Variants in TUSC3 observed in about 807,000 individuals in gnomAD.
TUSC3 encodes the protein dolichyl-diphosphooligosaccharide--protein glycosyltransferase subunit TUSC3.
Under a neutral mutation model 44.8 loss-of-function variants are expected in TUSC3, and 45 were observed. That is an observed-to-expected ratio of 1.00 (90% CI 0.79 to 1.29). The LOEUF is 1.29. TUSC3 is among the 50% of genes most tolerant of loss of function. TUSC3 has a pLI of 0.00. For missense variants in TUSC3, 519 were observed against 437.9 expected (o/e 1.19, Z -1.65); for synonymous variants, 212 against 152.9 (o/e 1.39, Z -2.85).
At chr8:15,435,578 A>G (rs573906719) in intron 1 of TUSC3, among the ~76,000 whole-genome samples, 1 of 152,326 alleles carries the variant, frequency 6.6e-6, no homozygotes, top group South Asian at 2.1e-4. Context: ...TCATGAAACA[A>G]TTATATTGAA....
intron 1 of TUSC3, among the ~76,000 whole-genome samples, chr8:15,482,259 T>C (rs1310878802): frequency 1.3e-5 from 2 of 152,182 alleles, no homozygotes; most frequent in East Asian, 3.9e-4. Flanking sequence ...TCCACTGAAG[T>C]CTTGAGCCCC....
chr8:15,548,761 T>G (rs903431702), intron 1 of TUSC3, among the ~76,000 whole-genome samples: 5 of 151,884 alleles, frequency 3.3e-5, no homozygotes, highest in Admixed American at 6.6e-5. Context: ...GTACAACTTG[T>G]ATGTTTACAG....
chr8:15,459,873 TGTATACATAC>T (rs1563256820), intron 1 of TUSC3, among the ~76,000 whole-genome samples: 5 of 147,296 alleles, frequency 3.4e-5, no homozygotes, highest in African/African-American at 1.3e-4. Flanking sequence ...TGTGTGTGTG[TGTATACATAC>T]ATACATACAT....
chr8:15,820,901 T>C, the TUSC3 span, among the ~76,000 whole-genome samples: 1 of 152,170 alleles, frequency 6.6e-6, no homozygotes, highest in Admixed American at 6.5e-5. Flanking sequence ...GCAATGTATG[T>C]AGATGTAATA....
rs375382417 is a variant in TUSC3 at position 15,590,967 on chromosome 8, A to G, written c.139-32113A>G. Among the ~76,000 whole-genome samples the G allele has an allele frequency of 7.2e-5, 11 of 152,252 alleles. No individual in the cohort carries two copies. The East Asian group carries it at 9.6e-4, about 13-fold the overall frequency. On this transcript the variant is annotated intron_variant, in intron 1 of 10. Coordinates refer to ENST00000503731, the MANE Select transcript of TUSC3 (RefSeq NM_006765.4). The stretch of plus-strand genomic sequence containing the variant: ...TGAATTATAGGCTTGAGGCACTGCA[A>G]CCAGCCTATAATTTGTTTTGCCAGA...
intron 1 of TUSC3, among the ~76,000 whole-genome samples, chr8:15,619,474 G>A (rs1327569279): frequency 6.6e-6 from 1 of 151,568 alleles, no homozygotes; most frequent in Non-Finnish European, 1.5e-5. Context: ...TGATTAGTCT[G>A]GAAAGAGTTT....
chr8:15,831,091 A>T, the TUSC3 span, among the ~76,000 whole-genome samples: 1 of 152,148 alleles, frequency 6.6e-6, no homozygotes, highest in Non-Finnish European at 1.5e-5. Context: ...CCAACCCAGC[A>T]CATTGTATTC....
chr8:15,798,959 A>AT, the TUSC3 span, among the ~76,000 whole-genome samples: 1 of 152,176 alleles, frequency 6.6e-6, no homozygotes, highest in Non-Finnish European at 1.5e-5. Flanking sequence ...TGGGTCTCCT[A>AT]TATCAACATT....
chr8:15,670,295 T>TA (rs1376601440), intron 5 of TUSC3, among the ~76,000 whole-genome samples: 26 of 151,962 alleles, frequency 1.7e-4, no homozygotes, highest in African/African-American at 6.3e-4. Flanking sequence ...CTGGAGAACT[T>TA]ACACTTACAG....
At chr8:15,828,205 G>A in the TUSC3 span, among the ~76,000 whole-genome samples, 1 of 152,104 alleles carries the variant, frequency 6.6e-6, no homozygotes, top group Non-Finnish European at 1.5e-5. Context: ...ATGTTGGTCA[G>A]GCTGGTCGCG....
At chr8:15,427,946 G>A (rs1799825524) in intron 1 of TUSC3, among the ~76,000 whole-genome samples, 1 of 150,406 alleles carries the variant, frequency 6.6e-6, no homozygotes, top group Non-Finnish European at 1.5e-5. Context: ...AGATAAGGAT[G>A]CAATTTTATT....
chr8:15,629,738 A>C (rs1314918842), intron 2 of TUSC3, among the ~76,000 whole-genome samples: 1 of 32,974 alleles, frequency 3.0e-5, no homozygotes, highest in Admixed American at 3.1e-4. Context: ...CTTTTCTTTA[A>C]AAAAAAAAAA....
chr8:15,486,726 A>T (rs1319486600), intron 2 of TUSC3, among the ~76,000 whole-genome samples: 2 of 152,180 alleles, frequency 1.3e-5, no homozygotes, highest in Non-Finnish European at 2.9e-5. Context: ...TACAGGCACA[A>T]GCCACCGCGC....
intron 2 of TUSC3, among the ~76,000 whole-genome samples, chr8:15,523,660 A>G (rs1338187761): frequency 0.035 from 577 of 16,356 alleles, 5 homozygotes; most frequent in East Asian, 0.16. Flanking sequence ...ATATATATAT[A>G]TATATGTGTG....
intron 1 of TUSC3, among the ~76,000 whole-genome samples, chr8:15,544,185 T>C (rs1361149393): frequency 6.6e-6 from 1 of 152,156 alleles, no homozygotes; most frequent in East Asian, 1.9e-4. Flanking sequence ...TTTGGCTTTT[T>C]AGTAGTGTAT....
At chr8:15,608,117 C>T (rs1804612261) in intron 1 of TUSC3, among the ~76,000 whole-genome samples, 1 of 152,096 alleles carries the variant, frequency 6.6e-6, no homozygotes, top group South Asian at 2.1e-4. Context: ...GCACTATATT[C>T]ACATTTGGCT....
chr8:15,501,109 G>GCAT (rs1392502787), intron 2 of TUSC3, among the ~76,000 whole-genome samples: 1 of 152,074 alleles, frequency 6.6e-6, no homozygotes, highest in Non-Finnish European at 1.5e-5. Context: ...TTGGCCCCTA[G>GCAT]CATCTCCTTA....
chr8:15,838,105 C>A, the TUSC3 span, among the ~76,000 whole-genome samples: 1 of 152,084 alleles, frequency 6.6e-6, no homozygotes, highest in African/African-American at 2.4e-5. Flanking sequence ...ATCAATAGAC[C>A]ACCTCCTGCG....
At chr8:15,634,975 A>G (rs954742857) in intron 2 of TUSC3, among the ~76,000 whole-genome samples, 2 of 152,162 alleles carry the variant, frequency 1.3e-5, no homozygotes, top group Non-Finnish European at 2.9e-5. Flanking sequence ...CCAAGTGGTC[A>G]TTATCCTTAT....
Sources: allele counts gnomAD v4.1 joint callset (sites outside exome capture counted in the v4.1 genomes callset), GRCh38; gene constraint gnomAD v4.1.1; transcripts MANE v1.5; gene names NCBI Gene and HGNC (gene_info 2026-07-23, HGNC 2026-07-21).